TMEM26: variants seen among roughly 807,000 people sequenced by gnomAD.
The protein encoded by TMEM26 is transmembrane protein 26.
In TMEM26, 38 loss-of-function variants were observed where a neutral mutation model predicts 28.8. The ratio of observed to expected loss-of-function variants is 1.32; its 90% confidence interval spans 1.02 to 1.73. The LOEUF (loss-of-function observed/expected upper bound fraction) is 1.73. Among genes scored for constraint, TMEM26 ranks in the 40% most tolerant of loss-of-function variants. The pLI is 0.00. For missense variants in TMEM26, 518 were observed against 447.1 expected (o/e 1.16, Z -1.43); for synonymous variants, 227 against 182.9 (o/e 1.24, Z -1.95).
intron 5 of TMEM26, chr10:61,412,824 T>C: frequency 1.8e-6 from 1 of 552,710 alleles, no homozygotes; most frequent in East Asian, 8.4e-5. Flanking sequence ...GGGTCCCCTG[T>C]TGAACAATGC....
chr10:61,442,872 A>G (rs1010402046), intron 1 of TMEM26, among the ~76,000 whole-genome samples: 1 of 152,138 alleles, frequency 6.6e-6, no homozygotes, highest in Non-Finnish European at 1.5e-5. Flanking sequence ...GAATATGATG[A>G]CCAATATAAC....
At chr10:61,415,684 T>C (rs577683471) in intron 4 of TMEM26, among the ~76,000 whole-genome samples, 1 of 152,110 alleles carries the variant, frequency 6.6e-6, no homozygotes, top group Non-Finnish European at 1.5e-5. Context: ...CATTACATTA[T>C]ATTATTTCCA....
chr10:61,449,135 A>G lies in TMEM26; in HGVS notation c.191+3756T>C, dbSNP rs1840232742. 2.0e-5 allele frequency among the ~76,000 whole-genome samples: 3 copies of G among 152,260 alleles called. No individual in the cohort carries two copies. The South Asian group carries it at 6.2e-4, about 31-fold the overall frequency. The stretch of plus-strand genomic sequence containing the variant: ...AGAAATGTAATTAAATATGCAGGTG[A>G]AATAGATAAATATTAGGTGAAAAAA... On this transcript the variant is annotated intron_variant, in intron 1 of 5. Transcript: ENST00000399298.
chr10:61,424,898 T>C (rs747217765), intron 4 of TMEM26, among the ~76,000 whole-genome samples: 13 of 152,154 alleles, frequency 8.5e-5, no homozygotes, highest in Non-Finnish European at 1.6e-4. Context: ...AAAAATAAAC[T>C]TGGAACCTTA....
intron 1 of TMEM26, among the ~76,000 whole-genome samples, chr10:61,441,958 C>T (rs1840099975): frequency 6.6e-6 from 1 of 151,968 alleles, no homozygotes; most frequent in Admixed American, 6.6e-5. Flanking sequence ...CAATTCTCTC[C>T]CAAGTACACA....
Position 61,407,073 on chromosome 10 carries a change from G to A in TMEM26, c.*3249C>T, listed in dbSNP as rs1317579090. ...TCCCTCTTTCTTAGCATTGGAGGAG[G>A]GCTAAAGTGGACAGATGCCTGGCAT... On this transcript the variant is annotated 3_prime_UTR_variant, in exon 6 of 6. Coordinates refer to ENST00000399298, the MANE Select transcript of TMEM26 (RefSeq NM_178505.8). 1.3e-5 allele frequency: 2 copies of A among 152,044 alleles called. No homozygotes were observed. Among genetic ancestry groups the A allele is most frequent in the Non-Finnish European group, 1.5e-5 (1 of 67,980 alleles). 9.4% of individuals were successfully genotyped at this position (152,044 alleles called of 1,614,324 possible). A position where few individuals can be genotyped will look rare whatever the true frequency, so the allele number is the denominator to read the frequency against.
At chr10:61,449,705 T>C (rs1358639920) in intron 1 of TMEM26, among the ~76,000 whole-genome samples, 2 of 152,212 alleles carry the variant, frequency 1.3e-5, no homozygotes, top group African/African-American at 2.4e-5. Flanking sequence ...TATATTTTAG[T>C]CCATCATTCA....
At chr10:61,433,420 A>T (rs75387133) in intron 2 of TMEM26, among the ~76,000 whole-genome samples, 2,137 of 152,096 alleles carry the variant, frequency 0.014, 48 homozygotes, top group African/African-American at 0.048. Flanking sequence ...GCCTTTTTTT[A>T]AAAAAAGGCT....
chr10:61,410,817 C>G lies in TMEM26; in HGVS notation c.683-71G>C. On this transcript the variant is annotated intron_variant, in intron 5 of 5. Coordinates refer to ENST00000399298, the MANE Select transcript of TMEM26 (RefSeq NM_178505.8). ...GACATATAAGACAATGCCATGGGGA[C>G]GAGTCATTAACAATGGGGACTGTGC... 8.9e-6 allele frequency: 13 copies of G among 1,463,658 alleles called. No individual in the cohort carries two copies. In the South Asian group the frequency reaches 1.2e-4, roughly 13 times the overall value. The allele number at this position is 1,463,658 out of a possible 1,614,324, so 90.7% of individuals were successfully genotyped here. A position where few individuals can be genotyped will look rare whatever the true frequency, so the allele number is the denominator to read the frequency against.
At chr10:61,427,934 G>T (rs1379791300) in intron 4 of TMEM26, among the ~76,000 whole-genome samples, 1 of 152,054 alleles carries the variant, frequency 6.6e-6, no homozygotes, top group Non-Finnish European at 1.5e-5. Context: ...TGAAGATAAT[G>T]AATCAATTTA....
At chr10:61,441,364 C>T (rs1474608128) in intron 1 of TMEM26, among the ~76,000 whole-genome samples, 2 of 152,142 alleles carry the variant, frequency 1.3e-5, no homozygotes, top group Non-Finnish European at 2.9e-5. Context: ...TTTATATGTT[C>T]TGCTCCTATG....
chr10:61,411,876 T>C (rs1839574407), intron 5 of TMEM26, among the ~76,000 whole-genome samples: 1 of 152,252 alleles, frequency 6.6e-6, no homozygotes, highest in Admixed American at 6.5e-5. Flanking sequence ...ATAAACATAA[T>C]GTACTATTTG....
chr10:61,452,786 C>G, intron 1 of TMEM26, 105 bp downstream of exon 1: 2 of 1,395,772 alleles, frequency 1.4e-6, no homozygotes, highest in South Asian at 2.6e-5. Flanking sequence ...AAACGGGGTC[C>G]AAATTCGAGT....
chr10:61,434,976 A>G (rs1305484229), intron 2 of TMEM26, among the ~76,000 whole-genome samples: 1 of 152,192 alleles, frequency 6.6e-6, no homozygotes, highest in Non-Finnish European at 1.5e-5. Context: ...GGTCATAACT[A>G]CATTTCTCTG....
In TMEM26 at chr10:61,410,559, G is replaced by T; in HGVS notation, c.870C>A (p.Ala290=). Residue 290 remains alanine (A), a synonymous_variant, in exon 6 of 6, where the codon GCC becomes GCA. Transcript: ENST00000399298. ...KVINQMLVFF[A]AKNFLVVVLQ... ...ACACCACCACGAGGAAGTTCTTCGC[G>T]GCAAAGAACACCAGCATCTGATTGA... The T allele has an allele frequency of 6.2e-7, 1 of 1,614,048 alleles. No individual in the cohort carries two copies. The highest frequency in any genetic ancestry group is 8.5e-7 in the Non-Finnish European group (1 of 1,180,018).
At chr10:61,429,229 A>G in intron 3 of TMEM26, 83 bp from the exon 4 acceptor site, 1 of 1,204,766 alleles carries the variant, frequency 8.3e-7, no homozygotes, top group Non-Finnish European at 1.2e-6. Flanking sequence ...CTTTCAATCA[A>G]GAGTTTGCTT....
At chr10:61,412,862 G>T (rs776222923) in intron 5 of TMEM26, 4 of 1,075,914 alleles carry the variant, frequency 3.7e-6, no homozygotes, top group Non-Finnish European at 5.0e-6. Flanking sequence ...AGTATAAAAT[G>T]CCTGGGAAAC....
intron 5 of TMEM26, among the ~76,000 whole-genome samples, chr10:61,411,349 T>TC (rs1839566408): frequency 6.6e-6 from 1 of 152,192 alleles, no homozygotes; most frequent in South Asian, 2.1e-4. Context: ...GTCCACTTTT[T>TC]CCCTCAATCT....
intron 4 of TMEM26, among the ~76,000 whole-genome samples, chr10:61,427,208 A>G (rs1839846911): frequency 6.6e-6 from 1 of 152,144 alleles, no homozygotes; most frequent in South Asian, 2.1e-4. Context: ...AATTATAAAA[A>G]TACATATTTA....
Sources: allele counts gnomAD v4.1 joint callset (sites outside exome capture counted in the v4.1 genomes callset), GRCh38; gene constraint gnomAD v4.1.1; transcripts MANE v1.5; gene names NCBI Gene and HGNC (gene_info 2026-07-23, HGNC 2026-07-21).